The following MRPL39 variants were observed in gnomAD, a reference collection of about 807,000 sequenced individuals.
The protein encoded by MRPL39 is mitochondrial ribosomal protein L39, also known as large ribosomal subunit protein mL39.
MRPL39 carries 35 observed loss-of-function variants against 44.5 expected under a neutral mutation model. That is an observed-to-expected ratio of 0.79 (90% confidence interval 0.60 to 1.04). MRPL39 has a LOEUF of 1.04. Ranked by LOEUF, MRPL39 falls within the 50% of genes least tolerant of loss-of-function variation. MRPL39 has a pLI of 0.00. For synonymous variants in MRPL39, 139 were observed against 136.1 expected, an observed-to-expected ratio of 1.02 and a Z score of -0.15; for missense variants, 433 against 413.5, an observed-to-expected ratio of 1.05 and a Z score of -0.41.
At chr21:25,598,210 T>G (rs1437921032) in intron 5 of MRPL39, among the ~76,000 whole-genome samples, 3 of 152,124 alleles carry the variant, frequency 2.0e-5, no homozygotes, top group African/African-American at 7.2e-5. Context: ...TCAATGTAAC[T>G]CTACCCTACT....
chr21:25,606,416 G>T, intron 2 of MRPL39, 33 bp downstream of exon 2: 1 of 1,520,806 alleles, frequency 6.6e-7, no homozygotes, highest in South Asian at 1.3e-5. Flanking sequence ...TTAAGTAAAA[G>T]GGTCAAAACT....
chr21:25,586,361 T>G (rs1283699349), intron 9 of MRPL39, among the ~76,000 whole-genome samples: 1 of 152,186 alleles, frequency 6.6e-6, no homozygotes, highest in Non-Finnish European at 1.5e-5. Flanking sequence ...TCAGCCTAAG[T>G]TAACTCTCAC....
At chr21:25,590,665 T>C (rs1396509985) in intron 8 of MRPL39, among the ~76,000 whole-genome samples, 6 of 152,192 alleles carry the variant, frequency 3.9e-5, no homozygotes, top group Non-Finnish European at 7.3e-5. Flanking sequence ...AGTAAGTTCA[T>C]AGACTGGAAA....
chr21:25,595,927 G>T (rs2031341880), intron 6 of MRPL39, among the ~76,000 whole-genome samples: 1 of 152,034 alleles, frequency 6.6e-6, no homozygotes. Flanking sequence ...ATGGTGGTTT[G>T]GTTCTACAAT....
rs907913293 is a variant in MRPL39 at position 25,607,344 on chromosome 21, T to C, written c.73+59A>G. 10 of 1,590,732 alleles carry C rather than the reference T, an allele frequency of 6.3e-6. No homozygotes were observed. In the African/African-American group the frequency reaches 8.1e-5, roughly 13 times the overall value. On this transcript the variant is annotated intron_variant, in intron 1 of 9. Transcript: ENST00000352957. ...CTCCCCGGCCCCGCCTCAGACCCAA[T>C]CTAGACAGACACCACTATCTAGGCC... is the stretch of plus-strand genomic sequence containing the variant.
intron 8 of MRPL39, among the ~76,000 whole-genome samples, chr21:25,589,149 C>G (rs1185598036): frequency 1.3e-5 from 2 of 152,130 alleles, no homozygotes; most frequent in African/African-American, 4.8e-5. Flanking sequence ...TGAACGTGCC[C>G]TTCTTTCACT....
At chr21:25,603,685 TACA>T in intron 3 of MRPL39, 108 bp downstream of exon 3, 8 of 1,160,104 alleles carry the variant, frequency 6.9e-6, no homozygotes, top group Non-Finnish European at 9.7e-6. Context: ...AAGAGTACGA[TACA>T]ACATTTGAAC....
At chr21:25,589,984 AG>A (rs1451982123) in intron 8 of MRPL39, among the ~76,000 whole-genome samples, 2 of 152,208 alleles carry the variant, frequency 1.3e-5, no homozygotes, top group Non-Finnish European at 1.5e-5. Context: ...GATTTGTTCA[AG>A]GGAAGCCATT....
At chr21:25,588,294 A>G (rs1397847189) in intron 9 of MRPL39, among the ~76,000 whole-genome samples, 3 of 145,224 alleles carry the variant, frequency 2.1e-5, no homozygotes, top group African/African-American at 5.0e-5. Context: ...CCTGGGAGAC[A>G]GAACAAGACT....
At chr21:25,599,950 C>A in intron 4 of MRPL39, 84 bp from the exon 5 acceptor site, 1 of 1,040,386 alleles carries the variant, frequency 9.6e-7, no homozygotes, top group South Asian at 1.3e-5. Context: ...ATATTTAGAC[C>A]ATAAAAAGGA....
At chr21:25,596,100 AT>A (rs879512644) in intron 6 of MRPL39, among the ~76,000 whole-genome samples, 602 of 144,534 alleles carry the variant, frequency 4.2e-3, no homozygotes, top group Middle Eastern at 0.015. Context: ...ATGAGTAAAA[AT>A]TTTTTTTTTT....
At chr21:25,592,546 C>G (rs938093370) in intron 8 of MRPL39, among the ~76,000 whole-genome samples, 22 of 152,148 alleles carry the variant, frequency 1.4e-4, no homozygotes, top group African/African-American at 4.6e-4. Flanking sequence ...TCTAATACCC[C>G]CTCTGTCAAT....
chr21:25,604,457 A>C (rs2031608789), intron 2 of MRPL39, among the ~76,000 whole-genome samples: 1 of 152,160 alleles, frequency 6.6e-6, no homozygotes, highest in African/African-American at 2.4e-5. Flanking sequence ...TACACACACA[A>C]CTCAAAGTAA....
chr21:25,593,359 T>C (rs1164145290), intron 7 of MRPL39, among the ~76,000 whole-genome samples: 1 of 152,130 alleles, frequency 6.6e-6, no homozygotes, highest in Non-Finnish European at 1.5e-5. Flanking sequence ...AGGAAAAAAG[T>C]GAAGTCCAAT....
At chr21:25,588,954 A>AT in intron 8 of MRPL39, 72 bp from the exon 9 acceptor site, 1 of 1,294,666 alleles carries the variant, frequency 7.7e-7, no homozygotes, top group Non-Finnish European at 1.1e-6. Context: ...GAGTCTTTAT[A>AT]TAGCTTTTAG....
chr21:25,594,344 C>T (rs2031286213), intron 6 of MRPL39, among the ~76,000 whole-genome samples: 1 of 148,142 alleles, frequency 6.8e-6, no homozygotes, highest in African/African-American at 2.5e-5. Flanking sequence ...TCTCAAACTT[C>T]GGGCTCAAGC....
intron 6 of MRPL39, among the ~76,000 whole-genome samples, chr21:25,596,146 C>T (rs926107391): frequency 2.6e-5 from 4 of 151,924 alleles, no homozygotes; most frequent in East Asian, 3.9e-4. Context: ...TCGCCCAGGC[C>T]GGACTGCAGT....
At chr21:25,590,247 A>C (rs965375756) in intron 8 of MRPL39, among the ~76,000 whole-genome samples, 3 of 152,132 alleles carry the variant, frequency 2.0e-5, no homozygotes, top group Non-Finnish European at 4.4e-5. Flanking sequence ...TGAGGGGAAA[A>C]GAGAATCAAG....
chr21:25,594,244 T>TTTTAC lies in MRPL39; in HGVS notation c.702-287_702-286insGTAAA. The stretch of plus-strand genomic sequence containing the variant: ...GTTCTTTCTTTCCATTTTTATTTCT[T>TTTTAC]TGTTCTTTTTTTTTTTTTTTTTTTT... On this transcript the variant is annotated intron_variant, in intron 6 of 9. Coordinates refer to ENST00000352957, the MANE Select transcript of MRPL39 (RefSeq NM_017446.4). 4.8e-4 allele frequency among the ~76,000 whole-genome samples: 21 copies of TTTTAC among 43,340 alleles called. 8 individuals are homozygous for TTTTAC. Among genetic ancestry groups the TTTTAC allele is most frequent in the Non-Finnish European group, 5.9e-4 (11 of 18,538 alleles). 28.4% of individuals were successfully genotyped at this position (43,340 alleles called of 152,430 possible).
Sources: allele counts gnomAD v4.1 joint callset (sites outside exome capture counted in the v4.1 genomes callset), GRCh38; gene constraint gnomAD v4.1.1; transcripts MANE v1.5; gene names NCBI Gene and HGNC (gene_info 2026-07-23, HGNC 2026-07-21).